Variants in PRRG1 observed in about 807,000 individuals in gnomAD.
PRRG1 encodes the protein transmembrane gamma-carboxyglutamic acid protein 1.
PRRG1 carries 5 observed loss-of-function variants against 11.8 expected under a neutral mutation model. The observed-to-expected ratio is 0.42, with a 90% CI of 0.22 to 0.89. PRRG1 has a LOEUF of 0.89. Ranked by LOEUF, PRRG1 falls within the 40% of genes least tolerant of loss-of-function variation. The pLI, the probability that PRRG1 is intolerant of heterozygous loss-of-function variation, is 0.28. For missense variants in PRRG1, 155 were observed against 166.1 expected (o/e 0.93, Z 0.37); for synonymous variants, 66 against 60.4 (o/e 1.09, Z -0.43).
intron 1 of PRRG1, among the ~76,000 whole-genome samples, chrX:37,359,748 A>G (rs115818796): frequency 0.038 from 4,206 of 111,697 alleles, 197 homozygotes; most frequent in African/African-American, 0.13. Flanking sequence ...CGGTAAACCC[A>G]TCTGGGTGTG....
intron 1 of PRRG1, among the ~76,000 whole-genome samples, chrX:37,402,125 G>GA (rs1932014734): frequency 9.0e-6 from 1 of 111,258 alleles, no homozygotes. Context: ...CACAGAATTG[G>GA]AAAAAACTAC....
intron 3 of PRRG1, chrX:37,441,235 A>G (rs193065742): frequency 1.3e-6 from 1 of 777,115 alleles, no homozygotes; most frequent in African/African-American, 2.3e-5. Flanking sequence ...AAGCTATTAC[A>G]GAGGGGACCA....
Position 37,457,204 on chromosome X carries a change from T to C in PRRG1, c.*3583T>C, listed in dbSNP as rs1556398620. 8.9e-6 allele frequency: 1 copy of C among 112,118 alleles called. No individual in the cohort carries two copies. The highest frequency in any genetic ancestry group is 3.2e-5 in the African/African-American group (1 of 30,811). 9.2% of individuals were successfully genotyped at this position (112,118 alleles called of 1,213,427 possible). A position where few individuals can be genotyped will look rare whatever the true frequency, so the allele number is the denominator to read the frequency against. On this transcript the variant is annotated 3_prime_UTR_variant, in exon 4 of 4. Transcript: ENST00000378628. ...GCTTGGTTTACATTAAATTATGGTATTTAACTATTTTTATGTTTATACTAG... is the reference window on the plus strand; with the variant it reads ...GCTTGGTTTACATTAAATTATGGTACTTAACTATTTTTATGTTTATACTAG...
intron 1 of PRRG1, among the ~76,000 whole-genome samples, chrX:37,375,649 G>A (rs1402448342): frequency 1.8e-5 from 2 of 111,315 alleles, no homozygotes; most frequent in Non-Finnish European, 3.8e-5. Flanking sequence ...AGTATCTCTG[G>A]ATTTAGGTAT....
chrX:37,366,751 A>C (rs1452891507), intron 1 of PRRG1, among the ~76,000 whole-genome samples: 5 of 111,615 alleles, frequency 4.5e-5, no homozygotes, highest in Non-Finnish European at 9.4e-5. Context: ...ATATTCCTTG[A>C]GCCTTCTACT....
intron 1 of PRRG1, among the ~76,000 whole-genome samples, chrX:37,383,099 C>A (rs1931204465): frequency 8.9e-6 from 1 of 111,826 alleles, no homozygotes; most frequent in African/African-American, 3.2e-5. Flanking sequence ...GGAATCCATC[C>A]TTGTAATTTT....
intron 3 of PRRG1, among the ~76,000 whole-genome samples, chrX:37,447,564 T>C (rs1556395539): frequency 1.8e-5 from 2 of 112,644 alleles, no homozygotes; most frequent in Non-Finnish European, 3.7e-5. Flanking sequence ...CCCAACTGTT[T>C]TCCCTTAATG....
At chrX:37,441,851 G>C (rs782020873) in intron 3 of PRRG1, 2 of 780,647 alleles carry the variant, frequency 2.6e-6, no homozygotes, top group African/African-American at 4.5e-5. Flanking sequence ...CTGGAGAAGA[G>C]TGTCAACCAG....
intron 1 of PRRG1, among the ~76,000 whole-genome samples, chrX:37,394,107 T>A (rs1931637146): frequency 8.9e-6 from 1 of 112,603 alleles, no homozygotes; most frequent in South Asian, 3.6e-4. Flanking sequence ...AGTCTTTTTG[T>A]ACCTATCTCA....
rs1602046331 is a variant in PRRG1 at position 37,454,439 on chromosome X, G to C, written c.*818G>C. ...AAAATGGATATATGTGTGGATTAAT[G>C]ACAGGCAGTAAATACCCATTACTCC... On this transcript the variant is annotated 3_prime_UTR_variant, in exon 4 of 4. Coordinates refer to ENST00000378628, the MANE Select transcript of PRRG1 (RefSeq NM_001142395.2). The C allele has an allele frequency of 9.0e-6, 1 of 111,664 alleles. No homozygotes were observed. The highest frequency in any genetic ancestry group is 2.8e-4 in the East Asian group (1 of 3,572). 9.2% of individuals were successfully genotyped at this position (111,664 alleles called of 1,213,427 possible).
intron 3 of PRRG1, among the ~76,000 whole-genome samples, chrX:37,448,034 A>T (rs902656132): frequency 2.7e-5 from 3 of 112,283 alleles, no homozygotes; most frequent in Admixed American, 9.4e-5. Context: ...TTACATCAGG[A>T]CAGGTACCAA....
chrX:37,393,763 C>T (rs1556377375), intron 1 of PRRG1, among the ~76,000 whole-genome samples: 3 of 112,155 alleles, frequency 2.7e-5, no homozygotes, highest in African/African-American at 9.7e-5. Flanking sequence ...TCGCAGATGC[C>T]TTATTCACCA....
chrX:37,371,473 C>T (rs1556370796), intron 1 of PRRG1, among the ~76,000 whole-genome samples: 1 of 112,694 alleles, frequency 8.9e-6, no homozygotes, highest in African/African-American at 3.2e-5. Flanking sequence ...ACAAACAGGG[C>T]TGAAACACAC....
chrX:37,385,346 G>A (rs1556374898), intron 1 of PRRG1, among the ~76,000 whole-genome samples: 1 of 111,013 alleles, frequency 9.0e-6, no homozygotes, highest in African/African-American at 3.3e-5. Flanking sequence ...GGAAGCAGAA[G>A]GAGGGTTTCT....
In PRRG1 at chrX:37,426,539, G is replaced by A. The variant is rs782599087; in HGVS notation, c.171+539G>A. Among the ~76,000 whole-genome samples the A allele has an allele frequency of 6.3e-5, 7 of 111,818 alleles. No individual in the cohort carries two copies. The South Asian group carries it at 2.6e-3, about 42-fold the overall frequency. ...TAGAACTGCTCCACAGCTGGAAATT[G>A]TTACCAGAGGTAGCCATTGTATAAA... On this transcript the variant is annotated intron_variant, in intron 3 of 3. Coordinates refer to ENST00000378628, the MANE Select transcript of PRRG1 (RefSeq NM_001142395.2).
chrX:37,364,354 C>G (rs957884252), intron 1 of PRRG1, among the ~76,000 whole-genome samples: 1 of 111,843 alleles, frequency 8.9e-6, no homozygotes, highest in Non-Finnish European at 1.9e-5. Flanking sequence ...TTTATAGGCT[C>G]TCATCCCAAA....
In PRRG1 at chrX:37,379,822, T is replaced by G. The variant is rs782814017; in HGVS notation, c.-41-26387T>G. Among the ~76,000 whole-genome samples, 4 of 111,861 alleles carry G rather than the reference T, an allele frequency of 3.6e-5. No homozygotes were observed. The East Asian group carries it at 1.1e-3, about 31-fold the overall frequency. Reference sequence around the variant, plus strand: ...GGTATCTTATTCATCAGTTATTGAGTGTATTCTCTGTGCCAACTAAGTGTT... The same window carrying G: ...GGTATCTTATTCATCAGTTATTGAGGGTATTCTCTGTGCCAACTAAGTGTT... On this transcript the variant is annotated intron_variant, in intron 1 of 3. Coordinates refer to ENST00000378628, the MANE Select transcript of PRRG1 (RefSeq NM_001142395.2).
intron 3 of PRRG1, chrX:37,440,860 C>T: frequency 2.0e-6 from 1 of 509,409 alleles, no homozygotes; most frequent in East Asian, 3.6e-5. Flanking sequence ...ACTTCCTGTG[C>T]CCAAGTGATC....
chrX:37,366,308 C>T (rs1287073145), intron 1 of PRRG1, among the ~76,000 whole-genome samples: 3 of 111,997 alleles, frequency 2.7e-5, no homozygotes, highest in Non-Finnish European at 5.6e-5. Flanking sequence ...GCCATAATAC[C>T]ATTTCTCACC....
Sources: gnomAD v4.1 joint callset for allele counts (sites outside exome capture counted in the v4.1 genomes callset) on GRCh38, gnomAD v4.1.1 for gene constraint, MANE v1.5 for transcripts, NCBI Gene and HGNC (gene_info 2026-07-23, HGNC 2026-07-21) for gene names.